The following PRDM11 variants were observed in gnomAD, a reference collection of about 807,000 sequenced individuals.
PRDM11 encodes the protein PR/SET domain 11, also known as PR domain-containing protein 11.
PRDM11 carries 20 observed loss-of-function variants against 97.8 expected under a neutral mutation model. That is an observed-to-expected ratio of 0.20 (90% CI 0.14 to 0.30). The LOEUF is 0.30. Among genes scored for constraint, PRDM11 ranks in the 10% least tolerant of loss-of-function variants. PRDM11 has a pLI of 1.00. For missense variants in PRDM11, 1,139 were observed against 1,555.2 expected, an observed-to-expected ratio of 0.73 and a Z score of 4.50; for synonymous variants, 599 against 637.7, an observed-to-expected ratio of 0.94 and a Z score of 0.91.
intron 1 of PRDM11, among the ~76,000 whole-genome samples, chr11:45,160,552 A>C (rs1020693573): frequency 6.6e-6 from 1 of 152,212 alleles, no homozygotes; most frequent in African/African-American, 2.4e-5. Context: ...CATGTAGTAC[A>C]GATTATTCTG....
In PRDM11 at chr11:45,182,229, G is replaced by A. The variant is rs1423113798; in HGVS notation, c.120-17G>A. ...GATGACTTCTTTGCTTTCTTTGCGG[G>A]CCTCTGCCCTGGCCAGCTCTAGGAG... On this transcript the variant is annotated splice_polypyrimidine_tract_variant and intron_variant, in intron 2 of 7. Coordinates refer to ENST00000683152, the MANE Select transcript of PRDM11 (RefSeq NM_001384648.1). 11 of 1,609,404 alleles carry A rather than the reference G, an allele frequency of 6.8e-6. No homozygotes were observed. Among genetic ancestry groups the A allele is most frequent in the Non-Finnish European group, 7.6e-6 (9 of 1,176,674 alleles).
rs190111844 is a variant in PRDM11, at chr11:45,230,703, C to T, written c.*2544C>T. ...GGTTGAGATCCTTTCTTCTAGCCAA[C>T]AGTTGCCTTACACCTTACATTGGGT... is the stretch of plus-strand genomic sequence containing the variant. On this transcript the variant is annotated 3_prime_UTR_variant, in exon 8 of 8. Transcript: ENST00000683152. The T allele has an allele frequency of 5.2e-5, 8 of 152,388 alleles. No individual in the cohort carries two copies. The highest frequency in any genetic ancestry group is 5.2e-4 in the Admixed American group (8 of 15,302). 9.4% of individuals were successfully genotyped at this position (152,388 alleles called of 1,614,324 possible).
chr11:45,108,790 C>T (rs1291362274), intron 1 of PRDM11, among the ~76,000 whole-genome samples: 1 of 152,228 alleles, frequency 6.6e-6, no homozygotes, highest in African/African-American at 2.4e-5. Context: ...CTCAGCCTGC[C>T]CCTGAAATAC....
intron 1 of PRDM11, among the ~76,000 whole-genome samples, chr11:45,155,530 AT>A (rs1201583155): frequency 4.0e-5 from 6 of 151,770 alleles, no homozygotes; most frequent in Non-Finnish European, 7.4e-5. Flanking sequence ...ACAGAGTGTC[AT>A]TTTCCCAGGG....
intron 5 of PRDM11, chr11:45,213,402 C>G (rs908544960): frequency 4.5e-6 from 2 of 444,674 alleles, no homozygotes; most frequent in Admixed American, 4.7e-5. Flanking sequence ...CTTGGGGCTG[C>G]TGCATCGGCC....
At chr11:45,106,756 G>A (rs1565223868) in intron 1 of PRDM11, among the ~76,000 whole-genome samples, 2 of 152,184 alleles carry the variant, frequency 1.3e-5, no homozygotes, top group Non-Finnish European at 1.5e-5. Context: ...CAGCAACTGG[G>A]TTCTAAGAGT....
At chr11:45,163,489 G>C (rs371623277) in intron 1 of PRDM11, among the ~76,000 whole-genome samples, 5 of 3,106 alleles carry the variant, frequency 1.6e-3, no homozygotes, top group Non-Finnish European at 5.7e-3. Flanking sequence ...GCTTGAGGAT[G>C]GGGGGGGGTA....
chr11:45,161,480 C>T (rs1252936495), intron 1 of PRDM11, among the ~76,000 whole-genome samples: 5 of 152,228 alleles, frequency 3.3e-5, no homozygotes, highest in African/African-American at 9.6e-5. Flanking sequence ...TGACCCCTTG[C>T]TTGGCACAGG....
rs1018498250 is a variant in PRDM11 at position 45,155,309 on chromosome 11, C to T, written c.-7+8432C>T. On this transcript the variant is annotated intron_variant, in intron 1 of 7. Coordinates refer to ENST00000683152, the MANE Select transcript of PRDM11 (RefSeq NM_001384648.1). ...GAGATGGCCGGCTTGGGAGGCTCCA[C>T]GATGGCCAAGGGGCATGGGGAGGAG... 5.3e-5 allele frequency among the ~76,000 whole-genome samples: 8 copies of T among 152,304 alleles called. No individual in the cohort carries two copies. In the South Asian group the frequency reaches 6.2e-4, roughly 12 times the overall value.
intron 1 of PRDM11, among the ~76,000 whole-genome samples, chr11:45,181,343 C>A (rs532572168): frequency 6.6e-6 from 1 of 152,198 alleles, no homozygotes; most frequent in Non-Finnish European, 1.5e-5. Flanking sequence ...GCTGAGGGCC[C>A]GTTCGGTCTG....
In PRDM11 at chr11:45,226,248, C is replaced by T; in HGVS notation, c.1623C>T (p.Arg541=). The part of the protein sequence containing the change: ...VCRQYTVQSS[R]TSAFIIGSKQ... ...GCCAGTACACGGTGCAGTCCTCACG[C>T]ACCTCGGCCTTCATCATTGGCTCCA... is the stretch of plus-strand genomic sequence containing the variant. The change falls in exon 8 of 8, where the codon CGC becomes CGT. Residue 541 remains arginine, a synonymous_variant. Transcript: ENST00000683152. The T allele has an allele frequency of 6.5e-7, 1 of 1,534,006 alleles. No individual in the cohort carries two copies. The highest frequency in any genetic ancestry group is 8.7e-7 in the Non-Finnish European group (1 of 1,146,750).
intron 1 of PRDM11, among the ~76,000 whole-genome samples, chr11:45,136,457 ATTACCAGAT>A (rs1852845976): frequency 6.6e-6 from 1 of 152,182 alleles, no homozygotes; most frequent in Non-Finnish European, 1.5e-5. Context: ...CATCTAAAGT[ATTACCAGAT>A]TGCAACATAG....
chr11:45,209,939 G>C (rs976405973), intron 5 of PRDM11, among the ~76,000 whole-genome samples: 3 of 152,182 alleles, frequency 2.0e-5, no homozygotes, highest in African/African-American at 7.2e-5. Context: ...AGCAGCGTGG[G>C]GCGCGGAGAA....
intron 1 of PRDM11, among the ~76,000 whole-genome samples, chr11:45,128,025 T>C (rs1016385401): frequency 2.6e-5 from 4 of 152,242 alleles, no homozygotes; most frequent in African/African-American, 9.6e-5. Context: ...GCTGCTTTGT[T>C]TACCTATGCA....
At chr11:45,153,828 G>A (rs1162738526) in intron 1 of PRDM11, among the ~76,000 whole-genome samples, 1 of 152,178 alleles carries the variant, frequency 6.6e-6, no homozygotes, top group Non-Finnish European at 1.5e-5. Flanking sequence ...ACACCTAGAA[G>A]GAACATGTAT....
At chr11:45,209,276 C>T (rs995023563) in intron 5 of PRDM11, 8 of 365,060 alleles carry the variant, frequency 2.2e-5, no homozygotes, top group Admixed American at 1.0e-4. Flanking sequence ...TGGATGGCAC[C>T]GACAGCCCTT....
Position 45,224,554 on chromosome 11 carries a change from G to T in PRDM11, c.1080G>T (p.Gln360His). 2.5e-6 allele frequency: 4 copies of T among 1,614,118 alleles called. No individual in the cohort carries two copies. The highest frequency in any genetic ancestry group is 3.4e-6 in the Non-Finnish European group (4 of 1,180,030). ...GTGTGCAGAATATAGGCCAGACCCA[G>T]GGGGAGGGGGACTGGAAGGTCCCCC... ...THGVQNIGQT[Q>H]GEGDWKVPQG... The change falls in exon 7 of 8, where the codon CAG becomes CAT. Residue 360 changes from glutamine (Q) to histidine (H), a missense_variant. Around this residue, in one of 2 missense-constraint regions of PRDM11, gnomAD observed 429 missense variants for 510.3 expected, o/e 0.84. Coordinates refer to ENST00000683152, the MANE Select transcript of PRDM11 (RefSeq NM_001384648.1).
intron 1 of PRDM11, among the ~76,000 whole-genome samples, chr11:45,175,484 T>A (rs1467503657): frequency 6.6e-6 from 1 of 152,266 alleles, no homozygotes; most frequent in Non-Finnish European, 1.5e-5. Context: ...TAAATATTCC[T>A]CTACAGCATT....
At chr11:45,191,478 T>A (rs1011438024) in intron 4 of PRDM11, among the ~76,000 whole-genome samples, 9 of 152,248 alleles carry the variant, frequency 5.9e-5, no homozygotes, top group African/African-American at 1.7e-4. Flanking sequence ...AATCCTCATT[T>A]AAAGCTATTT....
Sources: allele counts gnomAD v4.1 joint callset (sites outside exome capture counted in the v4.1 genomes callset), GRCh38; gene constraint gnomAD v4.1.1; regional missense constraint gnomAD v4.1.1; transcripts MANE v1.5; gene names NCBI Gene and HGNC (gene_info 2026-07-23, HGNC 2026-07-21).